Variants in CLEC2L observed in about 807,000 individuals in gnomAD.
CLEC2L encodes the protein C-type lectin domain family 2 member L.
CLEC2L carries 14 observed loss-of-function variants against 23.6 expected under a neutral mutation model. The observed-to-expected ratio is 0.59, with a 90% CI of 0.39 to 0.93. The LOEUF is 0.93. Among genes scored for constraint, CLEC2L ranks in the 40% least tolerant of loss-of-function variants. The probability of loss-of-function intolerance (pLI) is 0.00; values close to 1 mark genes in which losing one functional copy is unlikely to be tolerated. For missense variants in CLEC2L, 264 were observed against 282.4 expected, an observed-to-expected ratio of 0.93 and a Z score of 0.47; for synonymous variants, 114 against 121.3, an observed-to-expected ratio of 0.94 and a Z score of 0.40.
At position 139,540,191 on chromosome 7, in the gene CLEC2L, A is replaced by T; in HGVS notation, c.266-130A>T. On this transcript the variant is annotated intron_variant, in intron 2 of 4. Coordinates refer to ENST00000422142, the MANE Select transcript of CLEC2L (RefSeq NM_001080511.4). This position sits in a 1 kb window ranked among gnomAD's most constrained non-coding sequence, Gnocchi z 5.8. ...GGCCACCCTTTTACCTCCAGGCACC[A>T]GGAGAGGACAGCCACATCTGCAGTG... The T allele has an allele frequency of 2.4e-6, 2 of 847,672 alleles. No individual in the cohort carries two copies. The highest frequency in any genetic ancestry group is 3.6e-6 in the Non-Finnish European group (2 of 555,516). The allele number at this position is 847,672 out of a possible 1,614,324, so 52.5% of individuals were successfully genotyped here.
At chr7:139,538,732 G>C (rs544914943) in intron 2 of CLEC2L, among the ~76,000 whole-genome samples, 98 of 150,816 alleles carry the variant, frequency 6.5e-4, no homozygotes, top group African/African-American at 2.3e-3. Flanking sequence ...CTGGGTGACA[G>C]AGCGAGACTC....
At chr7:139,542,597 A>G (rs1229209388) in intron 4 of CLEC2L, among the ~76,000 whole-genome samples, 1 of 152,226 alleles carries the variant, frequency 6.6e-6, no homozygotes, top group Non-Finnish European at 1.5e-5. Context: ...CCACCTAAGC[A>G]CTGTAGCTGT....
At chr7:139,538,541 G>T (rs1797691513) in intron 2 of CLEC2L, among the ~76,000 whole-genome samples, 1 of 151,756 alleles carries the variant, frequency 6.6e-6, no homozygotes, top group African/African-American at 2.4e-5. Context: ...AAGGTCAGGA[G>T]TTCGAGACCA....
At chr7:139,534,534 GGCTCAA>G (rs1797625777) in intron 1 of CLEC2L, 1 of 766,178 alleles carries the variant, frequency 1.3e-6, no homozygotes, top group Non-Finnish European at 2.4e-6. Flanking sequence ...TTCATCGGCA[GGCTCAA>G]CAGGCTGATA....
intron 1 of CLEC2L, among the ~76,000 whole-genome samples, chr7:139,532,051 G>A (rs1392736432): frequency 6.6e-6 from 1 of 152,164 alleles, no homozygotes; most frequent in Non-Finnish European, 1.5e-5. Flanking sequence ...AGAACATTGT[G>A]CAATGAAGAC....
In CLEC2L at chr7:139,544,540, G is replaced by A. The variant is rs1033678802; in HGVS notation, c.*198G>A. ...GGCCTCCTTTGTCTGCAGGCAGGTC[G>A]TGTGGCTCAGCAGTTAAATCCCATA... On this transcript the variant is annotated 3_prime_UTR_variant, in exon 5 of 5. Coordinates refer to ENST00000422142, the MANE Select transcript of CLEC2L (RefSeq NM_001080511.4). 10 of 592,774 alleles carry A rather than the reference G, an allele frequency of 1.7e-5. 1 individual carries two copies. The South Asian group carries it at 2.0e-4, about 12-fold the overall frequency. The allele number at this position is 592,774 out of a possible 1,614,324, so 36.7% of individuals were successfully genotyped here.
intron 1 of CLEC2L, among the ~76,000 whole-genome samples, chr7:139,526,575 G>T (rs909839618): frequency 6.6e-6 from 1 of 152,226 alleles, no homozygotes; most frequent in African/African-American, 2.4e-5. Context: ...GAGGTTCCAG[G>T]ACAGGGACTG....
chr7:139,533,076 G>C (rs1204224274), intron 1 of CLEC2L, among the ~76,000 whole-genome samples: 1 of 152,204 alleles, frequency 6.6e-6, no homozygotes, highest in African/African-American at 2.4e-5. Context: ...GCTTTGCTGA[G>C]AGTACTGTTT....
chr7:139,536,827 T>C (rs1330444520), intron 2 of CLEC2L, among the ~76,000 whole-genome samples: 1 of 151,678 alleles, frequency 6.6e-6, no homozygotes, highest in Non-Finnish European at 1.5e-5. Context: ...GTGCAAAAAT[T>C]AGCCAGGTGT....
rs557376705 is a variant in CLEC2L, at chr7:139,524,961, G to A, written c.190+844G>A. Among the ~76,000 whole-genome samples the A allele has an allele frequency of 5.8e-4, 88 of 152,262 alleles. 1 individual carries two copies. The highest frequency in any genetic ancestry group is 2.0e-3 in the African/African-American group (85 of 41,538). On this transcript the variant is annotated intron_variant, in intron 1 of 4. Transcript: ENST00000422142. The stretch of plus-strand genomic sequence containing the variant: ...AAAGGAGGGCTTCCCAGGAGTAGGT[G>A]ACCTCTTAGCAGGCGTGGAGACAGA...
intron 1 of CLEC2L, among the ~76,000 whole-genome samples, chr7:139,524,479 G>C (rs1001113925): frequency 1.3e-5 from 2 of 152,226 alleles, no homozygotes; most frequent in Non-Finnish European, 2.9e-5. Flanking sequence ...ATCTGTGGTC[G>C]TGAACACGCT....
At chr7:139,529,768 T>TAATAC (rs1215201471) in intron 1 of CLEC2L, among the ~76,000 whole-genome samples, 4 of 152,188 alleles carry the variant, frequency 2.6e-5, no homozygotes, top group African/African-American at 9.7e-5. Flanking sequence ...AGAAGCCCAC[T>TAATAC]AATACAACAG....
chr7:139,532,554 G>A (rs1294015393), intron 1 of CLEC2L, among the ~76,000 whole-genome samples: 1 of 152,136 alleles, frequency 6.6e-6, no homozygotes, highest in Non-Finnish European at 1.5e-5. Flanking sequence ...TGGGTGTTAT[G>A]GCCTGCACGT....
chr7:139,542,802 G>A (rs913629194), intron 4 of CLEC2L, among the ~76,000 whole-genome samples: 3 of 152,146 alleles, frequency 2.0e-5, no homozygotes, highest in Admixed American at 1.3e-4. Context: ...GGTCATGGGC[G>A]GAGTGGGTGG....
chr7:139,529,694 ATGTT>A (rs1389757811), intron 1 of CLEC2L, among the ~76,000 whole-genome samples: 1 of 152,184 alleles, frequency 6.6e-6, no homozygotes, highest in Non-Finnish European at 1.5e-5. Context: ...AAGACTGGAA[ATGTT>A]TGTTGGACTT....
chr7:139,540,835 C>A lies in CLEC2L; in HGVS notation c.432+348C>A, dbSNP rs1297982656. ...TCAGGAGGCTGAGGCAGGAGGATCA[C>A]TTGAGCCCAGGAGTTGGGGGCTAGT... On this transcript the variant is annotated intron_variant, in intron 3 of 4. Coordinates refer to ENST00000422142, the MANE Select transcript of CLEC2L (RefSeq NM_001080511.4). The surrounding 1 kb of genome is among the most constrained non-coding windows in gnomAD (Gnocchi z 5.8). Among the ~76,000 whole-genome samples, 1 of 152,182 alleles carries A rather than the reference C, an allele frequency of 6.6e-6. No individual in the cohort carries two copies. Among genetic ancestry groups the A allele is most frequent in the African/African-American group, 2.4e-5 (1 of 41,434 alleles).
In CLEC2L at chr7:139,525,471, C is replaced by T. The variant is rs142099044; in HGVS notation, c.190+1354C>T. ...AGGGACAGAGGAGGCGAAGATGTTG[C>T]GTCACCAAGGAGAAGAGCTGTAGCA... On this transcript the variant is annotated intron_variant, in intron 1 of 4. Coordinates refer to ENST00000422142, the MANE Select transcript of CLEC2L (RefSeq NM_001080511.4). 2.2e-3 allele frequency among the ~76,000 whole-genome samples: 334 copies of T among 152,026 alleles called. 4 individuals are homozygous for T. The highest frequency in any genetic ancestry group is 7.5e-3 in the African/African-American group (309 of 41,448).
At position 139,524,007 on chromosome 7, in the gene CLEC2L, C is replaced by T. The variant is rs1387593378; in HGVS notation, c.80C>T (p.Ala27Val). 1.8e-6 allele frequency: 2 copies of T among 1,106,392 alleles called. No individual in the cohort carries two copies. The highest frequency in any genetic ancestry group is 2.2e-6 in the Non-Finnish European group (2 of 907,082). The allele number at this position is 1,106,392 out of a possible 1,614,324, so 68.5% of individuals were successfully genotyped here. A position where few individuals can be genotyped will look rare whatever the true frequency, so the allele number is the denominator to read the frequency against. Residue 27 changes from alanine (A) to valine (V), a missense_variant, in exon 1 of 5, where the codon GCC (alanine) becomes GTC (valine). Transcript: ENST00000422142. ...GCGCGCCCCGCGCCCGCCCCCGCCGCCCCCAGGCCGCGTTCGCCCGCAGAG... is the reference window on the plus strand; with the variant it reads ...GCGCGCCCCGCGCCCGCCCCCGCCGTCCCCAGGCCGCGTTCGCCCGCAGAG... ...LAARPAPAPA[A>V]PRPRSPAEAE...
chr7:139,528,939 C>T (rs1323282406), intron 1 of CLEC2L, among the ~76,000 whole-genome samples: 1 of 152,232 alleles, frequency 6.6e-6, no homozygotes, highest in Non-Finnish European at 1.5e-5. Context: ...ACCGATCCCT[C>T]TTCCCTGTGT....
Sources: gnomAD v4.1 joint callset for allele counts (sites outside exome capture counted in the v4.1 genomes callset) on GRCh38, gnomAD v4.1.1 for gene constraint, Gnocchi (gnomAD v3.1) non-coding constraint, MANE v1.5 for transcripts, NCBI Gene and HGNC (gene_info 2026-07-23, HGNC 2026-07-21) for gene names.